Variants in SLC35F5 observed in about 807,000 individuals in gnomAD.
SLC35F5 encodes HCV NS5A-transactivated protein 3.
A neutral mutation model predicts 68.6 loss-of-function variants in SLC35F5; 54 were observed. The ratio of observed to expected loss-of-function variants is 0.79; its 90% CI spans 0.63 to 0.99. SLC35F5 has a LOEUF of 0.99. Among genes scored for constraint, SLC35F5 ranks in the 50% least tolerant of loss-of-function variants. The probability of loss-of-function intolerance (pLI) is 0.00; values close to 1 mark genes in which losing one functional copy is unlikely to be tolerated. For missense variants in SLC35F5, 567 were observed against 626.9 expected (o/e 0.90, Z 1.02); for synonymous variants, 211 against 205.2 (o/e 1.03, Z -0.24).
intron 1 of SLC35F5, 128 bp from the exon 2 acceptor site, chr2:113,755,672 A>C (rs893315972): frequency 2.6e-5 from 28 of 1,071,826 alleles, no homozygotes; most frequent in Non-Finnish European, 3.4e-5. Context: ...TGTGTTAAAC[A>C]TACTTGCCAC....
rs144337623 is a variant in SLC35F5 at position 113,717,765 on chromosome 2, C to A, written c.*10G>T. On this transcript the variant is annotated 3_prime_UTR_variant, in exon 15 of 16. Transcript: ENST00000245680. The stretch of plus-strand genomic sequence containing the variant: ...CTCACATACAAACCTGGGCTACAGA[C>A]AACAGACAGCTAACTAGCTCCATCC... 35 of 1,609,652 alleles carry A rather than the reference C, an allele frequency of 2.2e-5. 1 individual carries two copies. The East Asian group carries it at 7.8e-4, about 36-fold the overall frequency.
At chr2:113,751,949 C>T (rs752227127) in intron 3 of SLC35F5, among the ~76,000 whole-genome samples, 1 of 152,020 alleles carries the variant, frequency 6.6e-6, no homozygotes, top group Non-Finnish European at 1.5e-5. Flanking sequence ...CAGTGGCTCA[C>T]GCCTGTAATC....
At chr2:113,748,013 AC>A (rs1676578605) in intron 4 of SLC35F5, among the ~76,000 whole-genome samples, 1 of 152,006 alleles carries the variant, frequency 6.6e-6, no homozygotes, top group Non-Finnish European at 1.5e-5. Context: ...AATCACTTGA[AC>A]CCAGGAGGTG....
intron 13 of SLC35F5, among the ~76,000 whole-genome samples, chr2:113,722,539 G>T (rs761325256): frequency 1.2e-4 from 18 of 152,176 alleles, no homozygotes; most frequent in Non-Finnish European, 2.4e-4. Flanking sequence ...TCACCCAAGA[G>T]CACTGAATAA....
intron 1 of SLC35F5, 200 bp downstream of exon 1, chr2:113,756,170 C>A (rs947144716): frequency 2.1e-6 from 3 of 1,457,856 alleles, no homozygotes; most frequent in South Asian, 1.4e-5. Context: ...CGAGGGCGCA[C>A]GCACGGCTTC....
At chr2:113,743,617 G>T in intron 6 of SLC35F5, 96 bp downstream of exon 6, 3 of 902,770 alleles carry the variant, frequency 3.3e-6, no homozygotes, top group South Asian at 3.4e-5. Flanking sequence ...ACATGGAGCA[G>T]AACTGCTACA....
rs143010470 is a variant in SLC35F5 at position 113,753,162 on chromosome 2, G to GTTT, written c.273+2000_273+2002dup. Among the ~76,000 whole-genome samples, 130 of 50,490 alleles carry GTTT rather than the reference G, an allele frequency of 2.6e-3. 12 individuals are homozygous for GTTT. The highest frequency in any genetic ancestry group is 4.0e-3 in the Non-Finnish European group (100 of 24,972). The allele number at this position is 50,490 out of a possible 152,430, so 33.1% of individuals were successfully genotyped here. ...AATACACACTTTATCTCCAAAGTTT[G>GTTT]TTTTTCTTTTTTTTTTTTTTTTTTT... On this transcript the variant is annotated intron_variant, in intron 3 of 15. Coordinates refer to ENST00000245680, the MANE Select transcript of SLC35F5 (RefSeq NM_025181.5).
At chr2:113,752,207 T>C (rs1261367408) in intron 3 of SLC35F5, among the ~76,000 whole-genome samples, 1 of 136,340 alleles carries the variant, frequency 7.3e-6, no homozygotes, top group Non-Finnish European at 1.6e-5. Flanking sequence ...AGCAAAACTC[T>C]GTCCCATCTC....
intron 15 of SLC35F5, among the ~76,000 whole-genome samples, chr2:113,715,836 G>C (rs1393782887): frequency 6.6e-6 from 1 of 151,952 alleles, no homozygotes; most frequent in African/African-American, 2.4e-5. Context: ...TGTTAAGTGA[G>C]GACTTACTGT....
At chr2:113,753,168 C>CTTTTTT (rs1173478465) in intron 3 of SLC35F5, among the ~76,000 whole-genome samples, 550 of 49,084 alleles carry the variant, frequency 0.011, 176 homozygotes, top group African/African-American at 0.015. Context: ...GTTTGTTTTT[C>CTTTTTT]TTTTTTTTTT....
At chr2:113,755,999 T>C (rs1676969098) in intron 1 of SLC35F5, 2 of 1,530,944 alleles carry the variant, frequency 1.3e-6, no homozygotes, top group South Asian at 1.2e-5. Flanking sequence ...ACCTTTCCAA[T>C]CTCTTCAAGT....
intron 3 of SLC35F5, among the ~76,000 whole-genome samples, chr2:113,751,797 C>T (rs913027954): frequency 4.1e-5 from 6 of 144,836 alleles, no homozygotes; most frequent in African/African-American, 1.3e-4. Flanking sequence ...TGGACAACAG[C>T]GTGAGACTCT....
At chr2:113,726,208 T>A (rs6709158) in intron 11 of SLC35F5, among the ~76,000 whole-genome samples, 57,278 of 151,972 alleles carry the variant, frequency 0.38, 11,310 homozygotes, top group Middle Eastern at 0.58. Context: ...GCCTCAGTTT[T>A]CCAATCTATA....
downstream of SLC35F5, among the ~76,000 whole-genome samples, chr2:113,705,783 A>G (rs1305435530): frequency 1.6e-5 from 1 of 60,634 alleles, no homozygotes; most frequent in Non-Finnish European, 4.3e-5. Flanking sequence ...CAAAGCTTCT[A>G]TGAATACACT....
intron 14 of SLC35F5, 80 bp downstream of exon 14, chr2:113,719,074 A>G (rs1278092887): frequency 7.5e-6 from 10 of 1,328,622 alleles, no homozygotes; most frequent in Non-Finnish European, 9.3e-6. Flanking sequence ...CAAAATCTCT[A>G]AAAGCTAGGC....
At chr2:113,745,934 C>T (rs1350566917) in intron 5 of SLC35F5, among the ~76,000 whole-genome samples, 16 of 152,016 alleles carry the variant, frequency 1.1e-4, no homozygotes, top group Non-Finnish European at 1.5e-5. Flanking sequence ...GAATAATTTG[C>T]CTATATAGTC....
chr2:113,711,878 T>C lies in SLC35F5; in HGVS notation c.*3340A>G, dbSNP rs1480418868. Among the ~76,000 whole-genome samples, 3 of 152,226 alleles carry C rather than the reference T, an allele frequency of 2.0e-5. No homozygotes were observed. The highest frequency in any genetic ancestry group is 6.5e-5 in the Admixed American group (1 of 15,290). ...ATGTGGAAAAAAATTTTCTAATTAATTCCTCCTTTATCCTTCTTTAAAAAC... is the reference window on the plus strand; with the variant it reads ...ATGTGGAAAAAAATTTTCTAATTAACTCCTCCTTTATCCTTCTTTAAAAAC... On this transcript the variant is annotated 3_prime_UTR_variant, in exon 16 of 16. Coordinates refer to ENST00000245680, the MANE Select transcript of SLC35F5 (RefSeq NM_025181.5).
intron 4 of SLC35F5, among the ~76,000 whole-genome samples, chr2:113,748,298 C>T (rs551076511): frequency 3.4e-5 from 5 of 147,662 alleles, no homozygotes; most frequent in Admixed American, 6.7e-5. Context: ...CCCGACTAAC[C>T]GGGATTACAG....
chr2:113,724,218 A>T (rs1222987334), intron 12 of SLC35F5, among the ~76,000 whole-genome samples: 1 of 152,226 alleles, frequency 6.6e-6, no homozygotes, highest in Non-Finnish European at 1.5e-5. Context: ...ATGTTCTTGG[A>T]TGTTTATCAT....
Sources: allele counts gnomAD v4.1 joint callset (sites outside exome capture counted in the v4.1 genomes callset), GRCh38; gene constraint gnomAD v4.1.1; transcripts MANE v1.5; gene names NCBI Gene and HGNC (gene_info 2026-07-23, HGNC 2026-07-21).